The following BEND4 variants were observed in gnomAD, a reference collection of about 807,000 sequenced individuals.
BEND4 encodes the protein BEN domain-containing protein 4.
Under a neutral mutation model 54.7 loss-of-function variants are expected in BEND4, and 27 were observed. The ratio of observed to expected loss-of-function variants is 0.49; its 90% CI spans 0.36 to 0.68. BEND4 has a LOEUF of 0.68. Ranked by LOEUF, BEND4 falls within the 30% of genes least tolerant of loss-of-function variation. The pLI is 0.00. For missense variants in BEND4, 702 were observed against 697.2 expected, an observed-to-expected ratio of 1.01 and a Z score of -0.08; for synonymous variants, 327 against 299.5, an observed-to-expected ratio of 1.09 and a Z score of -0.95.
At chr4:42,117,756 T>C (rs1220819876) in intron 5 of BEND4, 21 bp from the exon 6 acceptor site, 2 of 1,505,430 alleles carry the variant, frequency 1.3e-6, no homozygotes, top group Non-Finnish European at 1.8e-6. Flanking sequence ...ATATACAACA[T>C]CAAAAAGAGA....
chr4:42,125,564 C>CTT lies in BEND4; in HGVS notation c.1146+17_1146+18dup. 1 of 1,591,948 alleles carries CTT rather than the reference C, an allele frequency of 6.3e-7. No homozygotes were observed. Among genetic ancestry groups the CTT allele is most frequent in the East Asian group, 2.2e-5 (1 of 44,754 alleles). On this transcript the variant is annotated intron_variant, in intron 4 of 5. Transcript: ENST00000502486. ...AGAGAATTCCAAATGGAACATTCAC[C>CTT]TTTTTACCAGAGACCTACCTCTGTC...
Position 42,134,178 on chromosome 4 carries a change from G to A in BEND4, c.1055-8504C>T, listed in dbSNP as rs1005124012. ...GGGTCTCTAGTTCCTAATTTTCATT[G>A]CATTAAAATCTTGATGAGAGTTTCT... On this transcript the variant is annotated intron_variant, in intron 3 of 5. Coordinates refer to ENST00000502486, the MANE Select transcript of BEND4 (RefSeq NM_207406.4). Among the ~76,000 whole-genome samples, 5 of 152,300 alleles carry A rather than the reference G, an allele frequency of 3.3e-5. No homozygotes were observed. The East Asian group carries it at 7.7e-4, about 23-fold the overall frequency.
At chr4:42,144,199 C>G in intron 2 of BEND4, 1 of 611,750 alleles carries the variant, frequency 1.6e-6, no homozygotes, top group Middle Eastern at 4.4e-4. Context: ...TGCTGAGTCA[C>G]ACGCAGTCTC....
chr4:42,114,727 T>C lies in BEND4; in HGVS notation c.*2791A>G, dbSNP rs1011884668. On this transcript the variant is annotated 3_prime_UTR_variant, in exon 6 of 6. Transcript: ENST00000502486. ...TTAACCTGGCTACACAGAGGCCCAA[T>C]GGGCCTTGCCAAAATACAAATGAAC... 1.3e-5 allele frequency: 2 copies of C among 152,224 alleles called. No individual in the cohort carries two copies. Among genetic ancestry groups the C allele is most frequent in the Non-Finnish European group, 2.9e-5 (2 of 68,054 alleles). 9.4% of individuals were successfully genotyped at this position (152,224 alleles called of 1,614,324 possible). A position where few individuals can be genotyped will look rare whatever the true frequency, so the allele number is the denominator to read the frequency against.
At chr4:42,131,208 T>C (rs1720496382) in intron 3 of BEND4, among the ~76,000 whole-genome samples, 1 of 152,162 alleles carries the variant, frequency 6.6e-6, no homozygotes, top group African/African-American at 2.4e-5. Context: ...CCTGCACATG[T>C]ATCCCGGAAC....
intron 3 of BEND4, among the ~76,000 whole-genome samples, chr4:42,136,982 T>C (rs1203053570): frequency 6.6e-6 from 1 of 152,214 alleles, no homozygotes; most frequent in Non-Finnish European, 1.5e-5. Context: ...AGGAATGCTT[T>C]AATATTCTCT....
intron 3 of BEND4, among the ~76,000 whole-genome samples, chr4:42,130,677 G>A (rs6854147): frequency 0.016 from 2,388 of 152,106 alleles, 59 homozygotes; most frequent in African/African-American, 0.055. Context: ...GACCTAGAAC[G>A]AGAAATACCA....
chr4:42,132,057 TCTAGAA>T (rs1720526225), intron 3 of BEND4, among the ~76,000 whole-genome samples: 1 of 151,912 alleles, frequency 6.6e-6, no homozygotes, highest in Non-Finnish European at 1.5e-5. Context: ...GACAGGTGCG[TCTAGAA>T]AAGTGGGAGT....
chr4:42,132,259 G>A (rs1367792202), intron 3 of BEND4, among the ~76,000 whole-genome samples: 1 of 152,132 alleles, frequency 6.6e-6, no homozygotes, highest in Non-Finnish European at 1.5e-5. Context: ...AGCAGCCAGT[G>A]CTGCAGGTGT....
At chr4:42,138,942 T>C (rs1431601657) in intron 3 of BEND4, among the ~76,000 whole-genome samples, 2 of 152,212 alleles carry the variant, frequency 1.3e-5, no homozygotes, top group African/African-American at 4.8e-5. Flanking sequence ...AAGATTGGTG[T>C]AGCTTACATC....
chr4:42,123,705 A>AC (rs749474601), intron 4 of BEND4, among the ~76,000 whole-genome samples: 4 of 144,908 alleles, frequency 2.8e-5, no homozygotes, highest in African/African-American at 8.3e-5. Context: ...AAAAAAAAAA[A>AC]AAAAAAAAAA....
intron 3 of BEND4, among the ~76,000 whole-genome samples, chr4:42,126,023 A>G (rs1186948998): frequency 2.0e-5 from 3 of 152,172 alleles, no homozygotes; most frequent in Admixed American, 2.0e-4. Context: ...TCACAGGCGC[A>G]AGCCACCGCA....
At chr4:42,146,727 T>G (rs1721094413) in intron 2 of BEND4, among the ~76,000 whole-genome samples, 1 of 152,256 alleles carries the variant, frequency 6.6e-6, no homozygotes, top group Non-Finnish European at 1.5e-5. Flanking sequence ...TTGTATTTAC[T>G]GTTTGCATTT....
chr4:42,140,029 T>A (rs1720830405), intron 3 of BEND4, among the ~76,000 whole-genome samples: 1 of 152,240 alleles, frequency 6.6e-6, no homozygotes, highest in Non-Finnish European at 1.5e-5. Flanking sequence ...AAAAAGTGGA[T>A]TCTTGGGTGT....
At chr4:42,133,721 G>A (rs1239213551) in intron 3 of BEND4, among the ~76,000 whole-genome samples, 1 of 152,150 alleles carries the variant, frequency 6.6e-6, no homozygotes, top group Non-Finnish European at 1.5e-5. Flanking sequence ...TGGGTGTGGT[G>A]GTGGGCGCCT....
chr4:42,141,711 A>T (rs1320537295), intron 3 of BEND4, among the ~76,000 whole-genome samples: 1 of 152,230 alleles, frequency 6.6e-6, no homozygotes, highest in Admixed American at 6.5e-5. Context: ...ACTGCACACC[A>T]GCCTGGGCAG....
chr4:42,146,004 G>C (rs1234089813), intron 2 of BEND4, among the ~76,000 whole-genome samples: 1 of 152,208 alleles, frequency 6.6e-6, no homozygotes, highest in Non-Finnish European at 1.5e-5. Flanking sequence ...GGCTGGTTGA[G>C]AGTCCACAGG....
At chr4:42,126,757 A>AT (rs1309102940) in intron 3 of BEND4, among the ~76,000 whole-genome samples, 1 of 152,120 alleles carries the variant, frequency 6.6e-6, no homozygotes. Context: ...TACACCTGTA[A>AT]TCCCAGCTCA....
rs966962447 is a variant in BEND4, at chr4:42,139,898, G to A, written c.1054+3530C>T. 5.9e-5 allele frequency among the ~76,000 whole-genome samples: 9 copies of A among 152,292 alleles called. 1 individual carries two copies. In the South Asian group the frequency reaches 1.4e-3, roughly 25 times the overall value. On this transcript the variant is annotated intron_variant, in intron 3 of 5. Transcript: ENST00000502486. ...TTAGGGAAAATCCATCCCAAATTAT[G>A]TAGGAGGGTTACAGTATGACAAAAC...
Sources: gnomAD v4.1 joint callset for allele counts (sites outside exome capture counted in the v4.1 genomes callset) on GRCh38, gnomAD v4.1.1 for gene constraint, MANE v1.5 for transcripts, NCBI Gene and HGNC (gene_info 2026-07-23, HGNC 2026-07-21) for gene names.